Variants in C19orf47 observed in about 807,000 individuals in gnomAD.
The protein encoded by C19orf47 is uncharacterized protein C19orf47.
A neutral mutation model predicts 32.3 loss-of-function variants in C19orf47; 18 were observed. That is an observed-to-expected ratio of 0.56 (90% CI 0.39 to 0.83). The LOEUF is 0.83. Among genes scored for constraint, C19orf47 ranks in the 40% least tolerant of loss-of-function variants. C19orf47 has a pLI of 0.00. For synonymous variants in C19orf47, 202 were observed against 211.1 expected, an observed-to-expected ratio of 0.96 and a Z score of 0.37; for missense variants, 484 against 531.6, an observed-to-expected ratio of 0.91 and a Z score of 0.88.
At chr19:40,327,315 T>A (rs867958741) in intron 6 of C19orf47, among the ~76,000 whole-genome samples, 1,732 of 140,346 alleles carry the variant, frequency 0.012, 67 homozygotes, top group Admixed American at 0.064. Flanking sequence ...CGCCCAGCCT[T>A]TTTTTTTTTT....
intron 2 of C19orf47, among the ~76,000 whole-genome samples, chr19:40,340,758 C>G (rs1318598015): frequency 6.6e-6 from 1 of 150,862 alleles, no homozygotes; most frequent in Non-Finnish European, 1.5e-5. Flanking sequence ...GCAGGAGGAT[C>G]TCTTGAGCAC....
the C19orf47 span, among the ~76,000 whole-genome samples, chr19:40,313,887 C>T: frequency 6.6e-6 from 1 of 151,120 alleles, no homozygotes; most frequent in Admixed American, 6.6e-5. Flanking sequence ...AGTGAGATTA[C>T]ACCACTGCAC....
At chr19:40,323,386 C>T (rs1240339404) in intron 8 of C19orf47, among the ~76,000 whole-genome samples, 3 of 152,360 alleles carry the variant, frequency 2.0e-5, no homozygotes, top group African/African-American at 7.2e-5. Context: ...GCCAAAGCCA[C>T]GCAGTCAGGC....
chr19:40,321,729 T>TG lies in C19orf47; in HGVS notation c.*152dup. The TG allele has an allele frequency of 7.0e-7, 1 of 1,427,002 alleles. No individual in the cohort carries two copies. Among genetic ancestry groups the TG allele is most frequent in the Non-Finnish European group, 9.1e-7 (1 of 1,095,728 alleles). 88.4% of individuals were successfully genotyped at this position (1,427,002 alleles called of 1,614,324 possible). A position where few individuals can be genotyped will look rare whatever the true frequency, so the allele number is the denominator to read the frequency against. On this transcript the variant is annotated 3_prime_UTR_variant, in exon 9 of 9. Coordinates refer to ENST00000683109, the MANE Select transcript of C19orf47 (RefSeq NM_001256441.2). ...CCATCCCAGGCTAGGAGAAATGGGG[T>TG]GATCCCCCGAATGCTCGGGCCTAGC...
intron 2 of C19orf47, among the ~76,000 whole-genome samples, chr19:40,340,403 C>T (rs1488173323): frequency 6.6e-6 from 1 of 152,158 alleles, no homozygotes; most frequent in Non-Finnish European, 1.5e-5. Context: ...ATACAGGCAG[C>T]CAGGCGCGGT....
intron 1 of C19orf47, among the ~76,000 whole-genome samples, chr19:40,347,571 C>T (rs1277854854): frequency 6.6e-6 from 1 of 151,924 alleles, no homozygotes; most frequent in Admixed American, 6.6e-5. Flanking sequence ...TGCAAATTTG[C>T]CTTCTCAAAT....
chr19:40,294,328 G>A, the C19orf47 span, among the ~76,000 whole-genome samples: 7 of 152,258 alleles, frequency 4.6e-5, no homozygotes, highest in Admixed American at 4.6e-4. Context: ...GATAGGTAAG[G>A]GTCTCTTTGT....
chr19:40,305,994 T>A, the C19orf47 span, among the ~76,000 whole-genome samples: 1 of 151,418 alleles, frequency 6.6e-6, no homozygotes, highest in African/African-American at 2.4e-5. Context: ...TACTAAAGAA[T>A]ACAAAAATTA....
intron 1 of C19orf47, among the ~76,000 whole-genome samples, chr19:40,343,233 G>A (rs946553138): frequency 2.6e-5 from 4 of 151,816 alleles, no homozygotes; most frequent in African/African-American, 4.8e-5. Context: ...CCTCACCCCC[G>A]CATGGGGTGC....
At position 40,321,564 on chromosome 19, in the gene C19orf47, G is replaced by C. The variant is rs2077718144; in HGVS notation, c.*318C>G. 8.9e-7 allele frequency: 1 copy of C among 1,118,066 alleles called. No individual in the cohort carries two copies. The highest frequency in any genetic ancestry group is 3.2e-5 in the South Asian group (1 of 31,254). 69.3% of individuals were successfully genotyped at this position (1,118,066 alleles called of 1,614,324 possible). ...AGCAGACCCTGCTCAGGGGAAGAAG[G>C]GGAATGTAGGAGAGGAAGAAGCCCC... On this transcript the variant is annotated 3_prime_UTR_variant, in exon 9 of 9. Transcript: ENST00000683109.
At chr19:40,314,508 C>T in the C19orf47 span, among the ~76,000 whole-genome samples, 1 of 152,160 alleles carries the variant, frequency 6.6e-6, no homozygotes, top group African/African-American at 2.4e-5. Flanking sequence ...CAAAGTCAGA[C>T]TAATGTGAGT....
chr19:40,328,667 G>T, intron 5 of C19orf47, 117 bp from the exon 6 acceptor site: 1 of 1,354,650 alleles, frequency 7.4e-7, no homozygotes, highest in Non-Finnish European at 1.0e-6. Context: ...GAAGGTCAGC[G>T]GGTATCACCC....
chr19:40,335,942 C>A (rs1453814839), intron 4 of C19orf47, among the ~76,000 whole-genome samples, 168 bp downstream of exon 4: 1 of 152,210 alleles, frequency 6.6e-6, no homozygotes, highest in African/African-American at 2.4e-5. Context: ...GCAGAAAATA[C>A]AGCTCAGAGA....
intron 8 of C19orf47, 111 bp from the exon 9 acceptor site, chr19:40,322,487 C>A (rs997780040): frequency 3.1e-6 from 4 of 1,287,718 alleles, no homozygotes; most frequent in South Asian, 3.1e-5. Flanking sequence ...GGGAGAAACA[C>A]CCATCACTGA....
At chr19:40,329,866 T>G (rs1355247456) in intron 5 of C19orf47, among the ~76,000 whole-genome samples, 2 of 152,244 alleles carry the variant, frequency 1.3e-5, no homozygotes, top group African/African-American at 2.4e-5. Flanking sequence ...CAGGATTTTC[T>G]GCTATAAAAG....
At chr19:40,297,043 C>T in the C19orf47 span, among the ~76,000 whole-genome samples, 1 of 152,166 alleles carries the variant, frequency 6.6e-6, no homozygotes, top group Non-Finnish European at 1.5e-5. Context: ...ATGCCTAAAA[C>T]TGCTAGAAAT....
the C19orf47 span, among the ~76,000 whole-genome samples, chr19:40,300,294 G>T: frequency 2.0e-5 from 3 of 151,444 alleles, no homozygotes; most frequent in Admixed American, 6.6e-5. Context: ...ATGAAACCCC[G>T]TCTCTACTAA....
the C19orf47 span, among the ~76,000 whole-genome samples, chr19:40,309,664 G>T: frequency 6.7e-6 from 1 of 149,236 alleles, no homozygotes; most frequent in Non-Finnish European, 1.5e-5. Context: ...ACTTGCTCCT[G>T]GGTGGCAGAG....
the C19orf47 span, among the ~76,000 whole-genome samples, chr19:40,308,414 C>T: frequency 6.6e-6 from 1 of 151,660 alleles, no homozygotes; most frequent in Non-Finnish European, 1.5e-5. Context: ...CTCAGCCTCC[C>T]AAAGCGCTGG....
Sources: allele counts gnomAD v4.1 joint callset (sites outside exome capture counted in the v4.1 genomes callset), GRCh38; gene constraint gnomAD v4.1.1; transcripts MANE v1.5; gene names NCBI Gene and HGNC (gene_info 2026-07-23, HGNC 2026-07-21).